The following OR1F1 variants were observed in gnomAD, a reference collection of about 807,000 sequenced individuals.
OR1F1 encodes olfactory receptor 1F1.
For synonymous variants in OR1F1, 184 were observed against 156.7 expected (o/e 1.17, Z -1.30); for missense variants, 493 against 376.3 (o/e 1.31, Z -2.57).
chr16:3,199,736 G>T (rs1197964387), upstream of OR1F1, among the ~76,000 whole-genome samples: 1 of 152,170 alleles, frequency 6.6e-6, no homozygotes, highest in Non-Finnish European at 1.5e-5. Flanking sequence ...AGTTATGGCT[G>T]GTTGCAGTGG....
chr16:3,203,860 T>A (rs149146767), upstream of OR1F1, among the ~76,000 whole-genome samples: 274 of 152,308 alleles, frequency 1.8e-3, no homozygotes, highest in African/African-American at 5.5e-3. Context: ...TTCAATTATG[T>A]GGAGCCAGAA....
At chr16:3,196,847 A>G in the OR1F1 span, among the ~76,000 whole-genome samples, 19 of 150,130 alleles carry the variant, frequency 1.3e-4, no homozygotes, top group East Asian at 3.6e-3. Flanking sequence ...TGGCGCCACC[A>G]CCATGCCCAG....
At chr16:3,193,740 G>A in the OR1F1 span, among the ~76,000 whole-genome samples, 1 of 152,298 alleles carries the variant, frequency 6.6e-6, no homozygotes, top group Non-Finnish European at 1.5e-5. Context: ...TGGGACTACA[G>A]GCGAGCGCAA....
chr16:3,204,974 C>T (rs572503673), exon 1 of OR1F1: 3 of 1,614,158 alleles, frequency 1.9e-6, no homozygotes, highest in East Asian at 2.2e-5. Flanking sequence ...ACCTGTGGTT[C>T]TCACCTGGCT....
chr16:3,204,697 G>T (rs766840820), exon 1 of OR1F1: 3 of 1,614,130 alleles, frequency 1.9e-6, no homozygotes, highest in Non-Finnish European at 2.5e-6. Flanking sequence ...ATTATGGGTG[G>T]TTGCCAACCT....
chr16:3,205,087 G>A (rs1252431171), exon 1 of OR1F1: 1 of 1,614,062 alleles, frequency 6.2e-7, no homozygotes, highest in Admixed American at 1.7e-5. Context: ...GTATACAGTA[G>A]TGACTCCCAT....
At chr16:3,197,333 A>G in the OR1F1 span, among the ~76,000 whole-genome samples, 1 of 152,180 alleles carries the variant, frequency 6.6e-6, no homozygotes, top group South Asian at 2.1e-4. Context: ...ACTAATCTTA[A>G]TAATACATTT....
upstream of OR1F1, among the ~76,000 whole-genome samples, chr16:3,199,972 T>C (rs1244542155): frequency 6.7e-6 from 1 of 150,122 alleles, no homozygotes; most frequent in Non-Finnish European, 1.5e-5. Context: ...ACCGAGATCA[T>C]GCCACTGCAC....
At chr16:3,195,205 G>T in the OR1F1 span, among the ~76,000 whole-genome samples, 1 of 152,162 alleles carries the variant, frequency 6.6e-6, no homozygotes, top group Non-Finnish European at 1.5e-5. Flanking sequence ...TTCTCTTCCT[G>T]CCGCTACGGA....
the OR1F1 span, chr16:3,189,620 T>C: frequency 9.9e-5 from 15 of 152,078 alleles, no homozygotes; most frequent in African/African-American, 2.2e-4. Context: ...ATAACCTTAA[T>C]GCGTAAATCG....
upstream of OR1F1, among the ~76,000 whole-genome samples, chr16:3,203,913 T>C (rs2141592304): frequency 6.6e-6 from 1 of 152,224 alleles, no homozygotes; most frequent in African/African-American, 2.4e-5. Flanking sequence ...AATCACCCAG[T>C]CAGGACCAGC....
At chr16:3,202,021 C>A (rs1958140364), upstream of OR1F1, among the ~76,000 whole-genome samples, 1 of 152,232 alleles carries the variant, frequency 6.6e-6, no homozygotes, top group South Asian at 2.1e-4. Context: ...GTAACACTGC[C>A]TGCTGCTTTA....
chr16:3,204,114 G>C (rs956251259), upstream of OR1F1: 1 of 661,466 alleles, frequency 1.5e-6, no homozygotes, highest in Non-Finnish European at 2.6e-6. Flanking sequence ...GCCCCAGCAG[G>C]GTTGACAATA....
At chr16:3,202,777 C>G (rs780919150), upstream of OR1F1, among the ~76,000 whole-genome samples, 43 of 151,748 alleles carry the variant, frequency 2.8e-4, no homozygotes, top group Non-Finnish European at 5.4e-4. Context: ...GGTTAAGAGT[C>G]ACGAGATATT....
chr16:3,206,050 C>G (rs1049244218), downstream of OR1F1, among the ~76,000 whole-genome samples: 3 of 152,180 alleles, frequency 2.0e-5, no homozygotes, highest in Non-Finnish European at 4.4e-5. Flanking sequence ...TCACTGAATT[C>G]TTTTCCTAGC....
At chr16:3,206,404 CT>C (rs1263633116), downstream of OR1F1, among the ~76,000 whole-genome samples, 5 of 152,076 alleles carry the variant, frequency 3.3e-5, no homozygotes, top group Non-Finnish European at 7.4e-5. Context: ...CTTTGTTCTC[CT>C]TTTTGCCCTT....
upstream of OR1F1, among the ~76,000 whole-genome samples, chr16:3,199,827 C>G (rs955845097): frequency 2.6e-5 from 4 of 151,888 alleles, no homozygotes; most frequent in African/African-American, 9.7e-5. Context: ...ACCAGCCTGA[C>G]CAACATGGAG....
chr16:3,205,198 G>T, downstream of OR1F1: 1 of 1,570,192 alleles, frequency 6.4e-7, no homozygotes, highest in Non-Finnish European at 8.7e-7. Context: ...AAATAATCAA[G>T]ACTGAATCTC....
At chr16:3,196,841 G>A in the OR1F1 span, among the ~76,000 whole-genome samples, 2 of 151,048 alleles carry the variant, frequency 1.3e-5, no homozygotes, top group Admixed American at 1.3e-4. Flanking sequence ...GATTACTGGC[G>A]CCACCACCAT....
Sources: allele counts gnomAD v4.1 joint callset (sites outside exome capture counted in the v4.1 genomes callset), GRCh38; gene constraint gnomAD v4.1.1; transcripts MANE v1.5; gene names NCBI Gene and HGNC (gene_info 2026-07-23, HGNC 2026-07-21).